Variants in TMEM108 observed in about 807,000 individuals in gnomAD.
The protein encoded by TMEM108 is cancer/testis antigen 124.
Under a neutral mutation model 35.1 loss-of-function variants are expected in TMEM108, and 12 were observed. The ratio of observed to expected loss-of-function variants is 0.34; its 90% CI spans 0.22 to 0.55. The LOEUF is 0.55. Among genes scored for constraint, TMEM108 ranks in the 20% least tolerant of loss-of-function variants. TMEM108 has a pLI of 0.89. For synonymous variants in TMEM108, 287 were observed against 308.6 expected (o/e 0.93, Z 0.73); for missense variants, 680 against 753.3 (o/e 0.90, Z 1.14).
At chr3:133,160,762 T>C (rs1388847707) in intron 2 of TMEM108, among the ~76,000 whole-genome samples, 1 of 152,248 alleles carries the variant, frequency 6.6e-6, no homozygotes. Context: ...CCAGCCATCC[T>C]GCTCCACTTC....
chr3:133,161,115 A>G (rs1369833509), intron 2 of TMEM108, among the ~76,000 whole-genome samples: 5 of 152,138 alleles, frequency 3.3e-5, no homozygotes, highest in Non-Finnish European at 5.9e-5. Context: ...ATAACCCCAC[A>G]TGATCTGGTC....
intron 3 of TMEM108, among the ~76,000 whole-genome samples, chr3:133,273,867 G>T: frequency 6.6e-6 from 1 of 152,056 alleles, no homozygotes; most frequent in Admixed American, 6.6e-5. Context: ...GAAGACTTAG[G>T]GTCAGGCGTA....
chr3:133,053,508 G>T (rs1943431133), intron 2 of TMEM108, among the ~76,000 whole-genome samples: 1 of 152,220 alleles, frequency 6.6e-6, no homozygotes, highest in Non-Finnish European at 1.5e-5. Context: ...TTGCCAAGGG[G>T]CCTACATAGC....
At chr3:133,302,318 A>G (rs1205189640) in intron 3 of TMEM108, among the ~76,000 whole-genome samples, 4 of 152,104 alleles carry the variant, frequency 2.6e-5, no homozygotes, top group African/African-American at 9.7e-5. Flanking sequence ...GACTTTACCT[A>G]GGAGGGAATT....
intron 2 of TMEM108, among the ~76,000 whole-genome samples, chr3:133,128,698 A>G (rs1336190356): frequency 1.3e-5 from 2 of 152,150 alleles, no homozygotes; most frequent in Non-Finnish European, 2.9e-5. Context: ...TAGTTTGATC[A>G]TCTACTCTAA....
At chr3:133,381,316 C>T (rs1324822447) in intron 4 of TMEM108, among the ~76,000 whole-genome samples, 155 bp downstream of exon 4, 2 of 152,248 alleles carry the variant, frequency 1.3e-5, no homozygotes, top group Non-Finnish European at 2.9e-5. Flanking sequence ...TTATCCCTGA[C>T]CCTAGTCCTC....
chr3:133,163,675 C>T (rs1034868247), intron 2 of TMEM108, among the ~76,000 whole-genome samples: 1 of 152,208 alleles, frequency 6.6e-6, no homozygotes, highest in Non-Finnish European at 1.5e-5. Context: ...ACTACAGCTG[C>T]AGCCTTGAAG....
intron 3 of TMEM108, among the ~76,000 whole-genome samples, chr3:133,311,089 T>A (rs909864572): frequency 6.6e-6 from 1 of 152,224 alleles, no homozygotes; most frequent in African/African-American, 2.4e-5. Flanking sequence ...TGCTGAGAGA[T>A]CTGCTGTTAG....
intron 3 of TMEM108, among the ~76,000 whole-genome samples, chr3:133,375,629 T>C (rs1242079766): frequency 6.6e-6 from 1 of 152,240 alleles, no homozygotes; most frequent in Non-Finnish European, 1.5e-5. Context: ...ACAGTGTGCA[T>C]AGCATTCAGT....
chr3:133,172,877 A>C (rs760774844), intron 2 of TMEM108, among the ~76,000 whole-genome samples: 2 of 152,142 alleles, frequency 1.3e-5, no homozygotes, highest in Non-Finnish European at 2.9e-5. Context: ...AGTAAATCTC[A>C]TGAGATCTGA....
At chr3:133,132,706 C>A (rs746053872) in intron 2 of TMEM108, among the ~76,000 whole-genome samples, 5 of 152,032 alleles carry the variant, frequency 3.3e-5, no homozygotes, top group African/African-American at 1.2e-4. Context: ...TTAAGAAATT[C>A]ATTTCATAAG....
intron 3 of TMEM108, among the ~76,000 whole-genome samples, chr3:133,326,439 G>A (rs996960792): frequency 3.3e-5 from 5 of 152,256 alleles, no homozygotes; most frequent in African/African-American, 7.2e-5. Context: ...AACCTTCACC[G>A]GGAGTCTCAC....
intron 2 of TMEM108, among the ~76,000 whole-genome samples, chr3:133,118,127 C>T (rs1231674971): frequency 6.6e-6 from 1 of 152,042 alleles, no homozygotes; most frequent in Non-Finnish European, 1.5e-5. Flanking sequence ...TCTCTGATTT[C>T]TAGGAGTTGG....
intron 3 of TMEM108, among the ~76,000 whole-genome samples, chr3:133,377,812 TCACC>T (rs1226089549): frequency 3.6e-4 from 55 of 152,088 alleles, no homozygotes; most frequent in African/African-American, 1.3e-3. Flanking sequence ...CACCGGAGCA[TCACC>T]GCCAGAGCGT....
At chr3:133,142,618 C>T (rs1218130135) in intron 2 of TMEM108, among the ~76,000 whole-genome samples, 3 of 152,176 alleles carry the variant, frequency 2.0e-5, no homozygotes, top group Non-Finnish European at 4.4e-5. Flanking sequence ...GCATAAAGTT[C>T]GTTCTAGAAA....
chr3:133,111,586 C>T (rs1559835737), intron 2 of TMEM108, among the ~76,000 whole-genome samples: 1 of 152,048 alleles, frequency 6.6e-6, no homozygotes, highest in Non-Finnish European at 1.5e-5. Context: ...TATATATGCA[C>T]AATACATTGC....
intron 2 of TMEM108, among the ~76,000 whole-genome samples, chr3:133,140,913 C>T (rs1944632371): frequency 6.6e-6 from 1 of 152,048 alleles, no homozygotes; most frequent in Non-Finnish European, 1.5e-5. Context: ...ATGCCCCTCT[C>T]CTTCAAATTT....
chr3:133,090,698 G>A (rs1174552494), intron 2 of TMEM108, among the ~76,000 whole-genome samples: 1 of 152,180 alleles, frequency 6.6e-6, no homozygotes, highest in African/African-American at 2.4e-5. Context: ...TCATTGGTTA[G>A]CAGTTTGGAG....
At chr3:133,175,366 CAT>C (rs1416327273) in intron 2 of TMEM108, among the ~76,000 whole-genome samples, 4 of 152,104 alleles carry the variant, frequency 2.6e-5, no homozygotes, top group Non-Finnish European at 4.4e-5. Context: ...CTCCAAGACA[CAT>C]AATTGTCAGA....
Sources: gnomAD v4.1 joint callset for allele counts (sites outside exome capture counted in the v4.1 genomes callset) on GRCh38, gnomAD v4.1.1 for gene constraint, MANE v1.5 for transcripts, NCBI Gene and HGNC (gene_info 2026-07-23, HGNC 2026-07-21) for gene names.